PCMT1: variants seen among roughly 807,000 people sequenced by gnomAD.
PCMT1 encodes the protein protein-L-isoaspartate (D-aspartate) O-methyltransferase.
In PCMT1, 9 loss-of-function variants were observed where a neutral mutation model predicts 29.2. The ratio of observed to expected loss-of-function variants is 0.31; its 90% CI spans 0.19 to 0.54. PCMT1 has a LOEUF of 0.54. Among genes scored for constraint, PCMT1 ranks in the 20% least tolerant of loss-of-function variants. PCMT1 has a pLI of 0.95. For synonymous variants in PCMT1, 98 were observed against 97.5 expected, an observed-to-expected ratio of 1.00 and a Z score of -0.03; for missense variants, 184 against 282.2, an observed-to-expected ratio of 0.65 and a Z score of 2.49.
At chr6:149,761,272 TG>T in intron 1 of PCMT1, among the ~76,000 whole-genome samples, 1 of 152,058 alleles carries the variant, frequency 6.6e-6, no homozygotes, top group East Asian at 1.9e-4. Context: ...TGTGTGTGTG[TG>T]TGTGTGTACA....
chr6:149,796,575 T>C, intron 6 of PCMT1, 75 bp downstream of exon 6: 1 of 972,062 alleles, frequency 1.0e-6, no homozygotes, highest in Non-Finnish European at 1.6e-6. Flanking sequence ...AAAAGACTTC[T>C]AGATGATGTT....
In PCMT1 at chr6:149,788,904, T is replaced by C. The variant is rs1003694912; in HGVS notation, c.193-1050T>C. On this transcript the variant is annotated intron_variant, in intron 3 of 7. Transcript: ENST00000464889. ...AGGCTGATTTTCTTAATTTTTTCTA[T>C]GTGCATTCATTATGTATCTATATAT... Among the ~76,000 whole-genome samples, 28 of 152,310 alleles carry C rather than the reference T, an allele frequency of 1.8e-4. 1 individual carries two copies. In the South Asian group the frequency reaches 5.8e-3, roughly 32 times the overall value.
intron 1 of PCMT1, among the ~76,000 whole-genome samples, chr6:149,765,002 C>G (rs570022410): frequency 3.3e-5 from 5 of 150,414 alleles, no homozygotes; most frequent in Middle Eastern, 3.4e-3. Context: ...GATCGCGCCA[C>G]TGCACTCCAG....
intron 3 of PCMT1, among the ~76,000 whole-genome samples, chr6:149,784,468 ACT>A (rs968699387): frequency 1.3e-5 from 2 of 151,188 alleles, no homozygotes; most frequent in Non-Finnish European, 3.0e-5. Flanking sequence ...GTTTTATTTA[ACT>A]CTCTCTTTTT....
intron 1 of PCMT1, chr6:149,765,622 C>A: frequency 3.0e-6 from 1 of 333,066 alleles, no homozygotes; most frequent in South Asian, 2.3e-5. Flanking sequence ...TGTATTTATA[C>A]CCTTTATAGT....
intron 1 of PCMT1, among the ~76,000 whole-genome samples, chr6:149,751,183 G>T (rs1454229570): frequency 6.6e-6 from 1 of 152,140 alleles, no homozygotes; most frequent in Admixed American, 6.6e-5. Flanking sequence ...CGGGCGTGGT[G>T]GTGCCTGCCT....
chr6:149,795,192 TCA>T, intron 5 of PCMT1: 1 of 257,704 alleles, frequency 3.9e-6, no homozygotes. Context: ...AGACTTCGTC[TCA>T]AAAAAAAAAA....
At chr6:149,794,737 T>A (rs1431507937) in intron 5 of PCMT1, 4 of 455,866 alleles carry the variant, frequency 8.8e-6, no homozygotes, top group Non-Finnish European at 1.8e-5. Context: ...GCCCTGATCC[T>A]GTGTGGACAC....
At chr6:149,772,239 A>G in intron 2 of PCMT1, 1 of 368,464 alleles carries the variant, frequency 2.7e-6, no homozygotes, top group Non-Finnish European at 5.3e-6. Flanking sequence ...CAGAGGCAGA[A>G]AGAAGCAGGT....
chr6:149,778,604 G>C (rs1221108944), intron 3 of PCMT1, among the ~76,000 whole-genome samples: 1 of 151,948 alleles, frequency 6.6e-6, no homozygotes, highest in Non-Finnish European at 1.5e-5. Flanking sequence ...GAAGCATGAT[G>C]ATGGCCCACT....
chr6:149,782,416 T>C (rs1162117530), intron 3 of PCMT1, among the ~76,000 whole-genome samples: 3 of 152,092 alleles, frequency 2.0e-5, no homozygotes, highest in Non-Finnish European at 4.4e-5. Flanking sequence ...TTTCCAAACC[T>C]GTAAAGAAAA....
chr6:149,796,821 T>G (rs1254913299), intron 6 of PCMT1: 20 of 187,984 alleles, frequency 1.1e-4, no homozygotes, highest in Non-Finnish European at 2.1e-4. Flanking sequence ...GTTTTTTGTT[T>G]TTTGTTTTTG....
chr6:149,784,597 T>C (rs1487079363), intron 3 of PCMT1, among the ~76,000 whole-genome samples: 1 of 152,008 alleles, frequency 6.6e-6, no homozygotes, highest in African/African-American at 2.4e-5. Context: ...CTCGAGTAGC[T>C]GGGACTACAG....
intron 3 of PCMT1, among the ~76,000 whole-genome samples, chr6:149,783,550 TAC>T (rs1430258548): frequency 1.3e-5 from 2 of 152,172 alleles, no homozygotes; most frequent in African/African-American, 4.8e-5. Flanking sequence ...CAATATTATA[TAC>T]TTCTTAATGT....
At chr6:149,750,269 C>G (rs558374121) in intron 1 of PCMT1, 1 of 358,992 alleles carries the variant, frequency 2.8e-6, no homozygotes, top group East Asian at 4.7e-5. Flanking sequence ...CACTCAGGTC[C>G]GCGTCCGGGT....
At chr6:149,750,596 G>T (rs1419845521) in intron 1 of PCMT1, among the ~76,000 whole-genome samples, 1 of 152,158 alleles carries the variant, frequency 6.6e-6, no homozygotes, top group Non-Finnish European at 1.5e-5. Flanking sequence ...AACAGGGGAT[G>T]CTGTTCCTGA....
intron 1 of PCMT1, chr6:149,765,567 C>T: frequency 4.3e-6 from 1 of 234,204 alleles, no homozygotes; most frequent in Non-Finnish European, 8.2e-6. Context: ...TTTGATGTGC[C>T]TTTTTTGCTA....
At chr6:149,756,292 A>ATCTG (rs1365748517) in intron 1 of PCMT1, among the ~76,000 whole-genome samples, 1 of 125,868 alleles carries the variant, frequency 7.9e-6, no homozygotes, top group Non-Finnish European at 1.6e-5. Context: ...TTTTCTATCT[A>ATCTG]CAGCACCAGT....
intron 1 of PCMT1, among the ~76,000 whole-genome samples, chr6:149,761,103 G>C (rs887066393): frequency 1.3e-5 from 2 of 149,298 alleles, no homozygotes; most frequent in Non-Finnish European, 3.0e-5. Flanking sequence ...AAGGGGATAG[G>C]TTTGTGTTGT....
Sources: allele counts gnomAD v4.1 joint callset (sites outside exome capture counted in the v4.1 genomes callset), GRCh38; gene constraint gnomAD v4.1.1; transcripts MANE v1.5; gene names NCBI Gene and HGNC (gene_info 2026-07-23, HGNC 2026-07-21).